The following CSMD1 variants were observed in gnomAD, a reference collection of about 807,000 sequenced individuals.
CSMD1 encodes CUB and Sushi multiple domains 1.
Under a neutral mutation model 417.5 loss-of-function variants are expected in CSMD1, and 213 were observed. The ratio of observed to expected loss-of-function variants is 0.51; its 90% CI spans 0.46 to 0.57. CSMD1 has a LOEUF of 0.57. CSMD1 is among the 20% of genes least tolerant of loss of function. The pLI is 0.00. For synonymous variants in CSMD1, 2,862 were observed against 1,736.8 expected (o/e 1.65, Z -16.11); for missense variants, 6,923 against 4,529.7 (o/e 1.53, Z -15.17).
chr8:3,420,528 G>C lies in CSMD1; in HGVS notation c.1562-10923C>G, dbSNP rs573549300. On this transcript the variant is annotated intron_variant, in intron 12 of 69. Transcript: ENST00000635120. ...CTAACGATATAAAGTATTAAATATA[G>C]GGAAACTGGCTGTGGGGTGGACAGA... Among the ~76,000 whole-genome samples the C allele has an allele frequency of 8.3e-4, 124 of 149,102 alleles. 1 individual carries two copies. The Middle Eastern group carries it at 0.021, about 25-fold the overall frequency.
rs373457333 is a variant in CSMD1 at position 3,451,224 on chromosome 8, C to G, written c.1561+17488G>C. On this transcript the variant is annotated intron_variant, in intron 12 of 69. Coordinates refer to ENST00000635120, the MANE Select transcript of CSMD1 (RefSeq NM_033225.6). ...TAGATTCTGGATATTAGCCCTTTGT[C>G]AGATGAGTACATTGCAAAACATTTC... is the stretch of plus-strand genomic sequence containing the variant. 7.6e-4 allele frequency among the ~76,000 whole-genome samples: 116 copies of G among 152,300 alleles called. No individual in the cohort carries two copies. In the South Asian group the frequency reaches 0.015, roughly 20 times the overall value.
intron 10 of CSMD1, among the ~76,000 whole-genome samples, chr8:3,559,577 C>G (rs1444928139): frequency 6.6e-6 from 1 of 151,902 alleles, no homozygotes; most frequent in Non-Finnish European, 1.5e-5. Context: ...TTTATAAACA[C>G]AGAGATACAA....
At chr8:3,569,176 T>C (rs572514134) in intron 10 of CSMD1, among the ~76,000 whole-genome samples, 2 of 152,338 alleles carry the variant, frequency 1.3e-5, no homozygotes, top group African/African-American at 4.8e-5. Flanking sequence ...AGGCCTTTCA[T>C]TTTATAACTT....
intron 3 of CSMD1, among the ~76,000 whole-genome samples, chr8:4,184,353 C>A (rs938587233): frequency 2.0e-5 from 3 of 152,152 alleles, no homozygotes; most frequent in Non-Finnish European, 2.9e-5. Context: ...GTCATCAACA[C>A]TGGAACTGTG....
intron 2 of CSMD1, among the ~76,000 whole-genome samples, chr8:4,512,302 G>C (rs1171470699): frequency 1.3e-5 from 2 of 152,222 alleles, no homozygotes; most frequent in South Asian, 4.1e-4. Flanking sequence ...ATCTGGTAAA[G>C]AATATCTACC....
intron 2 of CSMD1, among the ~76,000 whole-genome samples, chr8:4,432,522 T>A (rs1459105496): frequency 6.6e-6 from 1 of 152,168 alleles, no homozygotes; most frequent in Non-Finnish European, 1.5e-5. Flanking sequence ...GCTCGGAGTG[T>A]GAAAACACTG....
chr8:3,435,000 G>A (rs113249484), intron 12 of CSMD1, among the ~76,000 whole-genome samples: 1 of 151,240 alleles, frequency 6.6e-6, no homozygotes, highest in African/African-American at 2.4e-5. Flanking sequence ...TAGCAGACAG[G>A]ACAGGGAGCT....
At chr8:4,340,847 A>T (rs1435311597) in intron 3 of CSMD1, among the ~76,000 whole-genome samples, 1 of 152,050 alleles carries the variant, frequency 6.6e-6, no homozygotes, top group Non-Finnish European at 1.5e-5. Context: ...TTGGTTGCTA[A>T]TTACACTGTA....
At chr8:3,759,162 G>A (rs1385991914) in intron 5 of CSMD1, among the ~76,000 whole-genome samples, 1 of 152,106 alleles carries the variant, frequency 6.6e-6, no homozygotes, top group Non-Finnish European at 1.5e-5. Context: ...AATTTGTTAT[G>A]GTGGCAAGAG....
At chr8:3,846,561 T>C (rs571541729) in intron 5 of CSMD1, among the ~76,000 whole-genome samples, 2 of 152,342 alleles carry the variant, frequency 1.3e-5, no homozygotes, top group African/African-American at 4.8e-5. Flanking sequence ...TATGAAATGT[T>C]TGACTTTAGA....
chr8:4,115,693 G>C (rs1028774854), intron 3 of CSMD1, among the ~76,000 whole-genome samples: 1 of 152,136 alleles, frequency 6.6e-6, no homozygotes, highest in African/African-American at 2.4e-5. Context: ...AAGGTGCCCT[G>C]TAAGAGGTGA....
At chr8:3,484,131 C>T (rs538411384) in intron 11 of CSMD1, among the ~76,000 whole-genome samples, 1 of 152,136 alleles carries the variant, frequency 6.6e-6, no homozygotes, top group Non-Finnish European at 1.5e-5. Flanking sequence ...ATAGTTAAGT[C>T]TCTTGACAAA....
chr8:4,953,323 T>A (rs1039536303), intron 1 of CSMD1, among the ~76,000 whole-genome samples: 3 of 152,178 alleles, frequency 2.0e-5, no homozygotes, highest in Non-Finnish European at 4.4e-5. Context: ...ACAATTGAAC[T>A]TGTTGTAACT....
chr8:4,663,944 T>G (rs956955680), intron 1 of CSMD1, among the ~76,000 whole-genome samples: 1 of 152,158 alleles, frequency 6.6e-6, no homozygotes, highest in Non-Finnish European at 1.5e-5. Flanking sequence ...GGATGGAAAT[T>G]GGAAAGCTAA....
intron 1 of CSMD1, among the ~76,000 whole-genome samples, chr8:4,833,202 T>G (rs73183404): frequency 1.3e-5 from 2 of 152,126 alleles, no homozygotes; most frequent in Admixed American, 1.3e-4. Flanking sequence ...ACTGGGTAAT[T>G]TATAAAGAAA....
At chr8:3,965,910 C>T (rs963200266) in intron 5 of CSMD1, among the ~76,000 whole-genome samples, 1 of 152,122 alleles carries the variant, frequency 6.6e-6, no homozygotes, top group African/African-American at 2.4e-5. Context: ...AGCCACCATG[C>T]CCGGCCAATG....
At position 4,303,162 on chromosome 8, in the gene CSMD1, A is replaced by G. The variant is rs114970948; in HGVS notation, c.415+116791T>C. ...AGGAACTAAAACTTCCCTCAAACAT[A>G]TAATAGGGCATGAATATTGTGGGCT... On this transcript the variant is annotated intron_variant, in intron 3 of 69. Transcript: ENST00000635120. Among the ~76,000 whole-genome samples, 201 of 152,288 alleles carry G rather than the reference A, an allele frequency of 1.3e-3. 1 individual carries two copies. Among genetic ancestry groups the G allele is most frequent in the African/African-American group, 4.5e-3 (188 of 41,546 alleles).
intron 5 of CSMD1, among the ~76,000 whole-genome samples, chr8:3,985,205 G>A (rs1049839926): frequency 1.3e-5 from 2 of 152,108 alleles, no homozygotes; most frequent in African/African-American, 2.4e-5. Flanking sequence ...TAAACTAGAA[G>A]GTATCTGAGA....
At chr8:4,079,042 G>A (rs1317934125) in intron 3 of CSMD1, among the ~76,000 whole-genome samples, 2 of 151,104 alleles carry the variant, frequency 1.3e-5, no homozygotes, top group African/African-American at 2.4e-5. Context: ...GTATGGACCC[G>A]ACCACAAGAG....
Sources: allele counts gnomAD v4.1 joint callset (sites outside exome capture counted in the v4.1 genomes callset), GRCh38; gene constraint gnomAD v4.1.1; transcripts MANE v1.5; gene names NCBI Gene and HGNC (gene_info 2026-07-23, HGNC 2026-07-21).